The following ESRRB variants were observed in gnomAD, a reference collection of about 807,000 sequenced individuals.
The protein encoded by ESRRB is steroid hormone receptor ERR2.
ESRRB carries 16 observed loss-of-function variants against 46.0 expected under a neutral mutation model. The ratio of observed to expected loss-of-function variants is 0.35; its 90% CI spans 0.24 to 0.53. The LOEUF (loss-of-function observed/expected upper bound fraction) is 0.53. Among genes scored for constraint, ESRRB ranks in the 20% least tolerant of loss-of-function variants. ESRRB has a pLI of 0.93. For synonymous variants in ESRRB, 246 were observed against 259.6 expected (o/e 0.95, Z 0.50); for missense variants, 488 against 607.4 (o/e 0.80, Z 2.07).
intron 1 of ESRRB, among the ~76,000 whole-genome samples, chr14:76,408,660 A>G (rs191362403): frequency 2.0e-5 from 3 of 151,778 alleles, no homozygotes; most frequent in African/African-American, 7.3e-5. Context: ...CCAAATGCAT[A>G]GAGCTGGCAT....
intron 1 of ESRRB, among the ~76,000 whole-genome samples, chr14:76,437,863 C>A (rs535907061): frequency 6.6e-6 from 1 of 152,282 alleles, no homozygotes; most frequent in Admixed American, 6.5e-5. Flanking sequence ...CACCCTTGCC[C>A]GCCTTCTCCT....
chr14:76,481,878 CTGGCCGTGGGG>C, intron 3 of ESRRB, 127 bp from the exon 4 acceptor site: 2 of 774,900 alleles, frequency 2.6e-6, no homozygotes, highest in Non-Finnish European at 4.5e-6. Context: ...TGGCCTGAGG[CTGGCCGTGGGG>C]CAGCTGTCGA....
chr14:76,443,017 T>C (rs936334566), intron 2 of ESRRB, among the ~76,000 whole-genome samples: 4 of 151,990 alleles, frequency 2.6e-5, no homozygotes, highest in African/African-American at 4.8e-5. Flanking sequence ...GGTTTCACCA[T>C]GTTGGCTAGG....
At chr14:76,449,711 G>C (rs1222879440) in intron 2 of ESRRB, among the ~76,000 whole-genome samples, 3 of 151,058 alleles carry the variant, frequency 2.0e-5, no homozygotes, top group Non-Finnish European at 4.4e-5. Context: ...TCTGATGTGA[G>C]AACTTGTAAA....
At chr14:76,458,507 G>T (rs377765359) in intron 2 of ESRRB, among the ~76,000 whole-genome samples, 1 of 151,736 alleles carries the variant, frequency 6.6e-6, no homozygotes, top group South Asian at 2.1e-4. Context: ...CCCCTAAAGG[G>T]TGAAGAGCCT....
chr14:76,389,984 C>A (rs1355338742), intron 1 of ESRRB, among the ~76,000 whole-genome samples: 3 of 152,162 alleles, frequency 2.0e-5, no homozygotes, highest in Non-Finnish European at 4.4e-5. Context: ...AGTTTGAGAA[C>A]AGCCATGATG....
intron 1 of ESRRB, among the ~76,000 whole-genome samples, chr14:76,383,056 T>G (rs143084409): frequency 0.013 from 2,037 of 152,312 alleles, 45 homozygotes; most frequent in African/African-American, 0.047. Flanking sequence ...TGTGATCAAT[T>G]TTTATTTAAA....
At chr14:76,498,081 T>C (rs746324536) in intron 6 of ESRRB, 133 bp from the exon 7 acceptor site, 4 of 1,047,160 alleles carry the variant, frequency 3.8e-6, no homozygotes, top group Non-Finnish European at 5.9e-6. Context: ...GGCCTCAGAT[T>C]GGCTCTCTGT....
At chr14:76,417,588 C>T (rs141903021) in intron 1 of ESRRB, among the ~76,000 whole-genome samples, 44 of 152,274 alleles carry the variant, frequency 2.9e-4, no homozygotes, top group African/African-American at 8.9e-4. Flanking sequence ...GCAGCGAACA[C>T]GCATTTCAAG....
At chr14:76,344,042 T>C (rs569213167) in intron 1 of ESRRB, among the ~76,000 whole-genome samples, 65 of 152,340 alleles carry the variant, frequency 4.3e-4, no homozygotes, top group African/African-American at 1.5e-3. Flanking sequence ...ACTGCCTGGA[T>C]TTGAATGGTG....
At chr14:76,400,735 G>A (rs74068606) in intron 1 of ESRRB, among the ~76,000 whole-genome samples, 7,140 of 152,176 alleles carry the variant, frequency 0.047, 227 homozygotes, top group East Asian at 0.13. Flanking sequence ...AGGGAACCTG[G>A]GGACAGAAAG....
chr14:76,476,184 G>A (rs1481736746), intron 3 of ESRRB, among the ~76,000 whole-genome samples: 1 of 151,844 alleles, frequency 6.6e-6, no homozygotes, highest in East Asian at 1.9e-4. Context: ...ATGTATTCCA[G>A]GGATTATCAA....
chr14:76,317,974 T>G (rs1322459392), intron 1 of ESRRB, among the ~76,000 whole-genome samples: 3 of 152,208 alleles, frequency 2.0e-5, no homozygotes, highest in African/African-American at 7.2e-5. Flanking sequence ...TTAGCATCAT[T>G]CTCCTTGGTT....
At chr14:76,492,910 G>A (rs530629396) in intron 6 of ESRRB, among the ~76,000 whole-genome samples, 1 of 152,310 alleles carries the variant, frequency 6.6e-6, no homozygotes, top group African/African-American at 2.4e-5. Context: ...ATGGTGCTGG[G>A]TGCCAGGGGG....
chr14:76,482,011 A>C lies in ESRRB; in HGVS notation c.578-5A>C. The C allele has an allele frequency of 1.2e-6, 2 of 1,613,482 alleles. No individual in the cohort carries two copies. Among genetic ancestry groups the C allele is most frequent in the Non-Finnish European group, 1.7e-6 (2 of 1,179,420 alleles). ...CTGAGATCTTTTCCCTTTCCTCCCC[A>C]ATAGGTGTGCGCCTTGATCGAGTGC... is the stretch of plus-strand genomic sequence containing the variant. On this transcript the variant is annotated splice_region_variant and splice_polypyrimidine_tract_variant and intron_variant, in intron 3 of 6. Transcript: ENST00000644823. The surrounding 1 kb of genome is among the most constrained non-coding windows in gnomAD (Gnocchi z 4.3).
chr14:76,456,087 A>T (rs117339144), intron 2 of ESRRB, among the ~76,000 whole-genome samples: 26,679 of 149,170 alleles, frequency 0.18, 2,464 homozygotes, highest in Middle Eastern at 0.24. Context: ...CAAAAGAAAG[A>T]AAAGAAAAGA....
chr14:76,475,536 C>T (rs1481121060), intron 3 of ESRRB, among the ~76,000 whole-genome samples: 1 of 152,174 alleles, frequency 6.6e-6, no homozygotes, highest in Non-Finnish European at 1.5e-5. Context: ...CATGTATATA[C>T]CACATTTGCT....
In ESRRB at chr14:76,491,627, C is replaced by T. The variant is rs766812921; in HGVS notation, c.1031C>T (p.Ala344Val). The T allele has an allele frequency of 5.7e-6, 9 of 1,584,150 alleles. No homozygotes were observed. The highest frequency in any genetic ancestry group is 1.2e-5 in the South Asian group (1 of 86,438). ...RLAGLLELYR[A>V]ILQLVRRYKK... ...GCGGGGCTGCTGGAGCTCTACCGGG[C>T]CATCCTGCAGCTGGTACGCAGGTAC... The change falls in exon 6 of 7, where the codon GCC becomes GTC. Residue 344 changes from alanine to valine, a missense_variant. Coordinates refer to ENST00000644823, the MANE Select transcript of ESRRB (RefSeq NM_001379180.1).
At chr14:76,464,050 G>A (rs1436508367) in intron 3 of ESRRB, among the ~76,000 whole-genome samples, 1 of 152,182 alleles carries the variant, frequency 6.6e-6, no homozygotes, top group Non-Finnish European at 1.5e-5. Flanking sequence ...TTGGGGATGG[G>A]TCGTGAGTGT....
Sources: gnomAD v4.1 joint callset for allele counts (sites outside exome capture counted in the v4.1 genomes callset) on GRCh38, gnomAD v4.1.1 for gene constraint, Gnocchi (gnomAD v3.1) non-coding constraint, MANE v1.5 for transcripts, NCBI Gene and HGNC (gene_info 2026-07-23, HGNC 2026-07-21) for gene names.